PFKP: variants seen among roughly 807,000 people sequenced by gnomAD.
PFKP encodes phosphofructokinase, platelet, also known as ATP-dependent 6-phosphofructokinase, platelet type.
A neutral mutation model predicts 94.3 loss-of-function variants in PFKP; 101 were observed. That is an observed-to-expected ratio of 1.07 (90% CI 0.91 to 1.26). The LOEUF is 1.26. Among genes scored for constraint, PFKP ranks in the 50% most tolerant of loss-of-function variants. PFKP has a pLI of 0.00. For missense variants in PFKP, 1,145 were observed against 1,103.3 expected (o/e 1.04, Z -0.53); for synonymous variants, 573 against 432.6 (o/e 1.32, Z -4.03).
At chr10:3,097,610 G>A (rs558949615) in intron 2 of PFKP, among the ~76,000 whole-genome samples, 11 of 152,304 alleles carry the variant, frequency 7.2e-5, no homozygotes, top group East Asian at 1.9e-4. Context: ...AGGTGCAGAC[G>A]GGGCTGCCAG....
At chr10:3,118,639 C>G (rs1837074321) in intron 14 of PFKP, 143 bp from the exon 15 acceptor site, 6 of 591,550 alleles carry the variant, frequency 1.0e-5, no homozygotes, top group East Asian at 2.9e-5. Context: ...GCCACAACGG[C>G]ATGAGTGAAA....
rs777739927 is a variant in PFKP at position 3,136,478 on chromosome 10, C to T, written c.2254C>T (p.Leu752Phe). 1.2e-6 allele frequency: 2 copies of T among 1,613,732 alleles called. No individual in the cohort carries two copies. The highest frequency in any genetic ancestry group is 1.7e-5 in the Admixed American group (1 of 59,990). The change falls in exon 22 of 22, where the codon CTC becomes TTC. Residue 752 changes from leucine to phenylalanine, a missense_variant. Transcript: ENST00000381125. ...EHRIPKEQWW[L>F]KLRPLMKILA... Reference sequence around the variant, plus strand: ...CAGGATTCCCAAAGAACAGTGGTGGCTCAAGCTACGGCCCCTCATGAAAAT... The same window carrying T: ...CAGGATTCCCAAAGAACAGTGGTGGTTCAAGCTACGGCCCCTCATGAAAAT...
chr10:3,088,645 A>G (rs1833815207), intron 2 of PFKP, among the ~76,000 whole-genome samples: 1 of 152,066 alleles, frequency 6.6e-6, no homozygotes, highest in Non-Finnish European at 1.5e-5. Flanking sequence ...AACATTTTTT[A>G]TTTTTAATTA....
Position 3,136,702 on chromosome 10 carries a change from TCTGCCC to T in PFKP, c.*125_*130del. The T allele has an allele frequency of 9.8e-7, 1 of 1,019,722 alleles. No homozygotes were observed. Among genetic ancestry groups the T allele is most frequent in the Non-Finnish European group, 1.4e-6 (1 of 693,078 alleles). 63.2% of individuals were successfully genotyped at this position (1,019,722 alleles called of 1,614,324 possible). Reference sequence around the variant, plus strand: ...TTAATACCTAATCGGCGAGTGCCCATCTGCCCCACCTGCTCCAGTGCGTGCTGTCTG... The same window carrying T: ...TTAATACCTAATCGGCGAGTGCCCATCACCTGCTCCAGTGCGTGCTGTCTG... On this transcript the variant is annotated 3_prime_UTR_variant, in exon 22 of 22. Coordinates refer to ENST00000381125, the MANE Select transcript of PFKP (RefSeq NM_002627.5).
intron 8 of PFKP, chr10:3,107,768 C>T (rs900088099): frequency 9.2e-5 from 91 of 985,232 alleles, no homozygotes; most frequent in Non-Finnish European, 1.1e-4. Context: ...ACTGTGTCCT[C>T]GTGGCCCTGC....
chr10:3,094,229 G>C (rs150660704), intron 2 of PFKP, among the ~76,000 whole-genome samples: 1 of 152,152 alleles, frequency 6.6e-6, no homozygotes, highest in Non-Finnish European at 1.5e-5. Context: ...GACCGGCCTC[G>C]CTCCTGCTGG....
chr10:3,096,458 C>T (rs146371966), intron 2 of PFKP, among the ~76,000 whole-genome samples: 3,733 of 152,246 alleles, frequency 0.025, 75 homozygotes, highest in Non-Finnish European at 0.037. Context: ...TCAGTTTTGC[C>T]GGAGCCCCAG....
At chr10:3,136,375 C>T (rs1049485730) in intron 21 of PFKP, 75 bp from the exon 22 acceptor site, 75 of 1,523,360 alleles carry the variant, frequency 4.9e-5, no homozygotes, top group South Asian at 1.2e-4. Flanking sequence ...CAAGACCGCT[C>T]GCTGTGCTGG....
intron 1 of PFKP, among the ~76,000 whole-genome samples, chr10:3,078,689 G>T (rs1479895742): frequency 6.6e-6 from 1 of 152,218 alleles, no homozygotes; most frequent in African/African-American, 2.4e-5. Flanking sequence ...CCAGTAATCA[G>T]TTTATCCCCC....
At chr10:3,113,618 A>C (rs887071577) in intron 13 of PFKP, 100 bp downstream of exon 13, 225 of 876,736 alleles carry the variant, frequency 2.6e-4, no homozygotes, top group Non-Finnish European at 3.5e-4. Context: ...ATACCTTTTC[A>C]TGCCTCAGTC....
chr10:3,102,251 A>T (rs1464639515), intron 4 of PFKP, among the ~76,000 whole-genome samples: 1 of 20,608 alleles, frequency 4.9e-5, no homozygotes, highest in Non-Finnish European at 8.4e-5. Context: ...ACTCTGTCTC[A>T]AAAAAAAAAA....
At chr10:3,083,797 A>G (rs1833270830) in intron 2 of PFKP, among the ~76,000 whole-genome samples, 1 of 152,122 alleles carries the variant, frequency 6.6e-6, no homozygotes. Context: ...GCCTGCCACC[A>G]TGCCCAGCTA....
intron 2 of PFKP, among the ~76,000 whole-genome samples, chr10:3,095,239 T>C (rs916118426): frequency 1.3e-5 from 2 of 152,024 alleles, no homozygotes; most frequent in African/African-American, 2.4e-5. Flanking sequence ...AAGCCACCCA[T>C]AGGTGAACTA....
intron 2 of PFKP, among the ~76,000 whole-genome samples, chr10:3,087,984 C>CTTTTTTTTTT (rs1224829610): frequency 4.6e-4 from 44 of 96,568 alleles, no homozygotes; most frequent in African/African-American, 1.0e-3. Context: ...ATCTTTCATT[C>CTTTTTTTTTT]TTTTTTTTTT....
intron 14 of PFKP, among the ~76,000 whole-genome samples, chr10:3,117,774 A>G (rs781673323): frequency 6.6e-6 from 1 of 152,150 alleles, no homozygotes; most frequent in Non-Finnish European, 1.5e-5. Context: ...GGTGCTTGAT[A>G]GGGCCAGGGC....
At chr10:3,100,783 A>T in intron 3 of PFKP, 1 of 576,776 alleles carries the variant, frequency 1.7e-6, no homozygotes, top group Non-Finnish European at 3.1e-6. Flanking sequence ...ATCATGATCT[A>T]TGTCCCCTGG....
At chr10:3,087,290 C>T (rs2131454977) in intron 2 of PFKP, among the ~76,000 whole-genome samples, 1 of 152,234 alleles carries the variant, frequency 6.6e-6, no homozygotes, top group East Asian at 1.9e-4. Flanking sequence ...GGAGGTAAAA[C>T]CCATATGTTC....
rs368669349 is a variant in PFKP, at chr10:3,113,399, G to C, written c.1252G>C (p.Val418Leu). The C allele has an allele frequency of 6.3e-7, 1 of 1,597,482 alleles. No individual in the cohort carries two copies. Among genetic ancestry groups the C allele is most frequent in the East Asian group, 2.2e-5 (1 of 44,592 alleles). The change falls in exon 13 of 22, where the codon GTG becomes CTG. Residue 418 changes from valine to leucine, a missense_variant. Transcript: ENST00000381125. ...KTNCNVAVIN[V>L]GAPAAGMNAA... ...CAATTGCAACGTAGCTGTCATCAACGTGGGGGCACCCGCGGCTGGGATGAA... is the reference window on the plus strand; with the variant it reads ...CAATTGCAACGTAGCTGTCATCAACCTGGGGGCACCCGCGGCTGGGATGAA...
intron 13 of PFKP, among the ~76,000 whole-genome samples, chr10:3,114,875 GC>G (rs1836630720): frequency 6.6e-6 from 1 of 152,332 alleles, no homozygotes; most frequent in Admixed American, 6.5e-5. Context: ...GCAGGGACTG[GC>G]CCACACCAAG....
Sources: gnomAD v4.1 joint callset for allele counts (sites outside exome capture counted in the v4.1 genomes callset) on GRCh38, gnomAD v4.1.1 for gene constraint, MANE v1.5 for transcripts, NCBI Gene and HGNC (gene_info 2026-07-23, HGNC 2026-07-21) for gene names.